Variants in TRIOBP observed in about 807,000 individuals in gnomAD.
TRIOBP encodes TRIO and F-actin binding protein, also known as TRIO and F-actin-binding protein.
A neutral mutation model predicts 238.8 loss-of-function variants in TRIOBP; 169 were observed. That is an observed-to-expected ratio of 0.71 (90% CI 0.62 to 0.80). The LOEUF is 0.80. TRIOBP is among the 30% of genes least tolerant of loss of function. The pLI, the probability that TRIOBP is intolerant of heterozygous loss-of-function variation, is 0.00. For missense variants in TRIOBP, 2,838 were observed against 3,122.6 expected, an observed-to-expected ratio of 0.91 and a Z score of 2.17; for synonymous variants, 1,150 against 1,274.4, an observed-to-expected ratio of 0.90 and a Z score of 2.08.
chr22:37,714,926 G>C (rs980297235), intron 5 of TRIOBP, among the ~76,000 whole-genome samples: 1 of 152,038 alleles, frequency 6.6e-6, no homozygotes, highest in African/African-American at 2.4e-5. Context: ...CCATGGAGCG[G>C]AGTCTACACC....
intron 17 of TRIOBP, among the ~76,000 whole-genome samples, chr22:37,762,936 T>G (rs915078580): frequency 1.3e-5 from 2 of 152,116 alleles, no homozygotes; most frequent in African/African-American, 4.8e-5. Context: ...TTCCCCACTA[T>G]TGCAGTGGGG....
chr22:37,709,818 G>C (rs1923140270), intron 3 of TRIOBP, among the ~76,000 whole-genome samples: 1 of 152,168 alleles, frequency 6.6e-6, no homozygotes, highest in African/African-American at 2.4e-5. Flanking sequence ...TTTTCCTGGG[G>C]CCTTGACCCT....
chr22:37,768,889 C>T, intron 19 of TRIOBP, 139 bp from the exon 20 acceptor site: 1 of 1,175,872 alleles, frequency 8.5e-7, no homozygotes, highest in Non-Finnish European at 1.3e-6. Flanking sequence ...GTCACTGGTT[C>T]ACAGCCCCAC....
intron 3 of TRIOBP, among the ~76,000 whole-genome samples, chr22:37,702,244 G>A (rs1922689915): frequency 6.6e-6 from 1 of 151,950 alleles, no homozygotes; most frequent in Admixed American, 6.6e-5. Context: ...TGTCGCCTGG[G>A]CTAGAGTGCA....
intron 3 of TRIOBP, among the ~76,000 whole-genome samples, chr22:37,703,213 C>T (rs893906168): frequency 1.3e-5 from 2 of 151,952 alleles, no homozygotes; most frequent in African/African-American, 4.8e-5. Flanking sequence ...TCAGTCTGGT[C>T]TCGAACTCCT....
chr22:37,764,328 T>A (rs1926383282), intron 17 of TRIOBP, among the ~76,000 whole-genome samples: 1 of 152,230 alleles, frequency 6.6e-6, no homozygotes, highest in African/African-American at 2.4e-5. Flanking sequence ...GACGGACAGG[T>A]CTGCACGTTT....
Position 37,735,615 on chromosome 22 carries a change from A to G in TRIOBP, c.5106+173A>G, listed in dbSNP as rs991535926. 3.9e-5 allele frequency among the ~76,000 whole-genome samples: 6 copies of G among 152,316 alleles called. No homozygotes were observed. The South Asian group carries it at 6.2e-4, about 16-fold the overall frequency. On this transcript the variant is annotated intron_variant, in intron 9 of 23. Transcript: ENST00000644935. ...TCCCGATCACCAAACTGGCCCAACA[A>G]TGATGATGAGCAACACAGTTTTAAG... is the stretch of plus-strand genomic sequence containing the variant.
In TRIOBP at chr22:37,751,747, C is replaced by CA. The variant is rs1925617699; in HGVS notation, c.5323-24dup. On this transcript the variant is annotated intron_variant, in intron 11 of 23. Transcript: ENST00000644935. Reference sequence around the variant, plus strand: ...CATTGGCTTCCTGCTGGACCCAACTCACCTCCCTCCTCATCTCCCCACAGC... The same window carrying CA: ...CATTGGCTTCCTGCTGGACCCAACTCAACCTCCCTCCTCATCTCCCCACAGC... 3 of 1,613,918 alleles carry CA rather than the reference C, an allele frequency of 1.9e-6. No homozygotes were observed. In the African/African-American group the frequency reaches 4.0e-5, roughly 22 times the overall value.
chr22:37,705,794 T>C (rs1385736014), intron 3 of TRIOBP, among the ~76,000 whole-genome samples: 2 of 152,144 alleles, frequency 1.3e-5, no homozygotes, highest in Non-Finnish European at 2.9e-5. Flanking sequence ...CAGGCTGGTC[T>C]TGAACTCCTG....
Position 37,725,193 on chromosome 22 carries a change from A to G in TRIOBP, c.2637A>G (p.Arg879=), listed in dbSNP as rs754336232. ...SQCCTQKENL[R]PSSPHRSTQW... ...GCTGCACCCAAAAGGAGAATCTGAG[A>G]CCATCATCTCCCCACCGCTCCACTC... The change falls in exon 7 of 24, where the codon AGA becomes AGG. Residue 879 remains arginine, a synonymous_variant. Coordinates refer to ENST00000644935, the MANE Select transcript of TRIOBP (RefSeq NM_001039141.3). 4 of 1,614,070 alleles carry G rather than the reference A, an allele frequency of 2.5e-6. No individual in the cohort carries two copies. The highest frequency in any genetic ancestry group is 3.3e-5 in the Admixed American group (2 of 60,014).
In TRIOBP at chr22:37,735,283, G is replaced by C; in HGVS notation, c.4947G>C (p.Gln1649His). Residue 1649 changes from glutamine to histidine, a missense_variant, in exon 9 of 24, where the codon CAG becomes CAC. Physicochemically the swap from Gln to His is conservative, Grantham distance 24. Around this residue, in one of 5 missense-constraint regions of TRIOBP, gnomAD observed 2,096 missense variants for 2,137.4 expected, o/e 0.98. Coordinates refer to ENST00000644935, the MANE Select transcript of TRIOBP (RefSeq NM_001039141.3). ...GACACAGCCCCGCACTGCAGTCCCA[G>C]AGCCCGGTCCAGCTGCCCAGCCCTG... The part of the protein sequence containing the change: ...VNGHSPALQS[Q>H]SPVQLPSPAC... 1 of 1,610,226 alleles carries C rather than the reference G, an allele frequency of 6.2e-7. No individual in the cohort carries two copies. The highest frequency in any genetic ancestry group is 8.5e-7 in the Non-Finnish European group (1 of 1,177,312).
chr22:37,704,754 T>C (rs1402301839), intron 3 of TRIOBP, among the ~76,000 whole-genome samples: 1 of 149,688 alleles, frequency 6.7e-6, no homozygotes, highest in Non-Finnish European at 1.5e-5. Context: ...GGAAGGAGAA[T>C]GTGCAAAGGC....
Position 37,713,258 on chromosome 22 carries a change from C to T in TRIOBP, c.303C>T (p.Ala101=), listed in dbSNP as rs758231896. The T allele has an allele frequency of 1.2e-6, 2 of 1,613,872 alleles. No homozygotes were observed. The highest frequency in any genetic ancestry group is 1.7e-6 in the Non-Finnish European group (2 of 1,179,890). ...TCCCAGAAGAGGGTCCCACAGCTGC[C>T]CCCAGGAGCAGGAGCCGGGAGCTTG... The part of the protein sequence containing the change: ...AGLPEEGPTA[A]PRSRSRELEA... The change falls in exon 5 of 24, where the codon GCC becomes GCT. Residue 101 remains alanine, a synonymous_variant. Coordinates refer to ENST00000644935, the MANE Select transcript of TRIOBP (RefSeq NM_001039141.3).
intron 5 of TRIOBP, among the ~76,000 whole-genome samples, chr22:37,714,003 C>T (rs533104842): frequency 6.6e-6 from 1 of 152,158 alleles, no homozygotes. Context: ...AATAAAACAA[C>T]CCAGCCTCAC....
chr22:37,721,389 G>A (rs1923821477), intron 6 of TRIOBP, among the ~76,000 whole-genome samples: 1 of 152,226 alleles, frequency 6.6e-6, no homozygotes, highest in Admixed American at 6.5e-5. Context: ...GAGGCTGGAC[G>A]AGGCAGTGGC....
intron 6 of TRIOBP, among the ~76,000 whole-genome samples, chr22:37,720,440 ATCTCCTCCG>A (rs759877314): frequency 1.3e-5 from 2 of 151,876 alleles, no homozygotes; most frequent in Non-Finnish European, 2.9e-5. Context: ...CCCTCTCCTC[ATCTCCTCCG>A]TCTCCTCCAA....
At chr22:37,718,009 G>A (rs1373146085) in intron 6 of TRIOBP, among the ~76,000 whole-genome samples, 1 of 152,220 alleles carries the variant, frequency 6.6e-6, no homozygotes, top group Non-Finnish European at 1.5e-5. Flanking sequence ...AAGGCCCGGC[G>A]AGAAATCCAG....
chr22:37,733,984 C>T (rs1336588334), intron 8 of TRIOBP, among the ~76,000 whole-genome samples: 1 of 152,202 alleles, frequency 6.6e-6, no homozygotes, highest in African/African-American at 2.4e-5. Context: ...CTGTCTTGAG[C>T]AGATTTCAGG....
intron 9 of TRIOBP, 141 bp from the exon 10 acceptor site, chr22:37,738,501 G>T: frequency 1.3e-6 from 1 of 783,090 alleles, no homozygotes. Context: ...CTGGATGGTT[G>T]GATGGATACA....
Sources: allele counts gnomAD v4.1 joint callset (sites outside exome capture counted in the v4.1 genomes callset), GRCh38; gene constraint gnomAD v4.1.1; regional missense constraint gnomAD v4.1.1; transcripts MANE v1.5; gene names NCBI Gene and HGNC (gene_info 2026-07-23, HGNC 2026-07-21).